SMARCA2: variants seen among roughly 807,000 people sequenced by gnomAD.
SMARCA2 encodes the protein SWI/SNF related BAF chromatin remodeling complex subunit ATPase 2.
A neutral mutation model predicts 199.8 loss-of-function variants in SMARCA2; 61 were observed. That is an observed-to-expected ratio of 0.31 (90% CI 0.25 to 0.38). The LOEUF (loss-of-function observed/expected upper bound fraction) is 0.38, where lower values mean the gene tolerates loss of function less well. SMARCA2 is among the 10% of genes least tolerant of loss of function. The pLI, the probability that SMARCA2 is intolerant of heterozygous loss-of-function variation, is 1.00. For missense variants in SMARCA2, 1,344 were observed against 2,012.2 expected, an observed-to-expected ratio of 0.67 and a Z score of 6.35; for synonymous variants, 935 against 732.0, an observed-to-expected ratio of 1.28 and a Z score of -4.48.
chr9:2,073,039 C>A, intron 10 of SMARCA2, 173 bp from the exon 11 acceptor site: 3 of 669,106 alleles, frequency 4.5e-6, no homozygotes, highest in Non-Finnish European at 7.4e-6. Flanking sequence ...TTTTCAGTTT[C>A]TTTAGTGGGA....
intron 32 of SMARCA2, among the ~76,000 whole-genome samples, chr9:2,187,740 G>A (rs1030499399): frequency 2.0e-5 from 3 of 151,820 alleles, no homozygotes; most frequent in Admixed American, 2.0e-4. Flanking sequence ...TTTCCTATGT[G>A]TGTCTTCACT....
rs79100368 is a variant in SMARCA2, at chr9:2,086,451, GA to G, written c.2527-375del. On this transcript the variant is annotated intron_variant, in intron 17 of 33. Coordinates refer to ENST00000349721, the MANE Select transcript of SMARCA2 (RefSeq NM_003070.5). The surrounding 1 kb of genome is among the most constrained non-coding windows in gnomAD (Gnocchi z 4.3). ...CTATATTCTGTGCCTGTCATGAGCT[GA>G]AATAGCATGACCATGAAATCTGGGA... is the stretch of plus-strand genomic sequence containing the variant. 6.6e-6 allele frequency among the ~76,000 whole-genome samples: 1 copy of G among 152,228 alleles called. No homozygotes were observed. The highest frequency in any genetic ancestry group is 1.9e-4 in the East Asian group (1 of 5,194).
intron 19 of SMARCA2, among the ~76,000 whole-genome samples, chr9:2,096,236 A>C (rs566727303): frequency 6.6e-6 from 1 of 152,358 alleles, no homozygotes; most frequent in Admixed American, 6.5e-5. Flanking sequence ...TTCACAAAGA[A>C]AATCACAGGA....
chr9:2,092,860 C>G (rs147983957), intron 19 of SMARCA2, among the ~76,000 whole-genome samples: 141 of 152,314 alleles, frequency 9.3e-4, no homozygotes, highest in Non-Finnish European at 2.9e-4. Flanking sequence ...TTTTGAGGAG[C>G]TTTCACATGC....
chr9:2,097,616 G>A lies in SMARCA2; in HGVS notation c.3078+145G>A, dbSNP rs187859588. The A allele has an allele frequency of 6.2e-4, 352 of 569,328 alleles. 1 individual carries two copies. The highest frequency in any genetic ancestry group is 1.0e-3 in the Admixed American group (34 of 32,610). The allele number at this position is 569,328 out of a possible 1,614,324, so 35.3% of individuals were successfully genotyped here. On this transcript the variant is annotated intron_variant, in intron 21 of 33. Transcript: ENST00000349721. ...TTGAGATGACATGATCTGATAGCTC[G>A]ACAAGCAGAATTAACAAACATGAGT...
chr9:2,032,828 C>G (rs1819130742), intron 2 of SMARCA2, 124 bp from the exon 3 acceptor site: 2 of 764,444 alleles, frequency 2.6e-6, no homozygotes, highest in Non-Finnish European at 4.1e-6. Context: ...CTTTTTTTAA[C>G]TCTAGAATGG....
In SMARCA2 at chr9:2,161,584, A is replaced by G. The variant is rs371544483; in HGVS notation, c.3982-102A>G. Reference sequence around the variant, plus strand: ...TACTTTTTTTTGGTTAATTTCTTTCATTTTATTCTAATTGTTGGAGCTATA... The same window carrying G: ...TACTTTTTTTTGGTTAATTTCTTTCGTTTTATTCTAATTGTTGGAGCTATA... On this transcript the variant is annotated intron_variant, in intron 27 of 33. Transcript: ENST00000349721. This position sits in a 1 kb window ranked among gnomAD's most constrained non-coding sequence, Gnocchi z 4.7. 8 of 787,280 alleles carry G rather than the reference A, an allele frequency of 1.0e-5. No homozygotes were observed. The highest frequency in any genetic ancestry group is 6.6e-4 in the Middle Eastern group (2 of 3,028). The allele number at this position is 787,280 out of a possible 1,614,324, so 48.8% of individuals were successfully genotyped here.
At chr9:2,111,379 T>A (rs1822990027) in intron 24 of SMARCA2, among the ~76,000 whole-genome samples, 1 of 151,706 alleles carries the variant, frequency 6.6e-6, no homozygotes, top group Non-Finnish European at 1.5e-5. Context: ...TAGTCCCAAG[T>A]TCCTCAGCAG....
chr9:2,129,628 C>G (rs983428197), intron 27 of SMARCA2, among the ~76,000 whole-genome samples: 8 of 152,086 alleles, frequency 5.3e-5, no homozygotes, highest in African/African-American at 1.9e-4. Flanking sequence ...GATTGTCGGC[C>G]ACATGCTTGA....
intron 29 of SMARCA2, among the ~76,000 whole-genome samples, chr9:2,178,522 A>C (rs1453051567): frequency 6.6e-6 from 1 of 152,174 alleles, no homozygotes; most frequent in Non-Finnish European, 1.5e-5. Context: ...TTCTGTAAAC[A>C]ACATTGTACA....
In SMARCA2 at chr9:2,123,681, G is replaced by T. The variant is rs763272760; in HGVS notation, c.3763-38G>T. ...GCTGGGAAGTCTGCACCATACAGAA[G>T]CCCTGACTTTCGGTGACCCTCTTAT... On this transcript the variant is annotated intron_variant, in intron 26 of 33. Transcript: ENST00000349721. This position sits in a 1 kb window ranked among gnomAD's most constrained non-coding sequence, Gnocchi z 4.1. 1 of 1,577,580 alleles carries T rather than the reference G, an allele frequency of 6.3e-7. No homozygotes were observed. Among genetic ancestry groups the T allele is most frequent in the Non-Finnish European group, 8.7e-7 (1 of 1,148,904 alleles).
chr9:2,070,400 G>T lies in SMARCA2; in HGVS notation c.1693-18G>T. The stretch of plus-strand genomic sequence containing the variant: ...ATCATCTTGGTTACTTATAACATTC[G>T]ACATTGTTGTTTTGCAGAAGGCTGA... On this transcript the variant is annotated intron_variant, in intron 9 of 33. Transcript: ENST00000349721. 6.2e-7 allele frequency: 1 copy of T among 1,611,768 alleles called. No individual in the cohort carries two copies. The highest frequency in any genetic ancestry group is 1.1e-5 in the South Asian group (1 of 90,974).
In SMARCA2 at chr9:2,135,924, C is replaced by T. The variant is rs567224925; in HGVS notation, c.3981+11987C>T. On this transcript the variant is annotated intron_variant, in intron 27 of 33. Coordinates refer to ENST00000349721, the MANE Select transcript of SMARCA2 (RefSeq NM_003070.5). ...TGGTGCAATCTTGGCTCATTGCTAC[C>T]TCCGCCTCCCAGGTTCAAGTAATTC... Among the ~76,000 whole-genome samples the T allele has an allele frequency of 2.0e-5, 3 of 152,198 alleles. No homozygotes were observed. In the East Asian group the frequency reaches 5.8e-4, roughly 29 times the overall value.
At chr9:2,158,938 TCTG>T (rs1825518589) in intron 27 of SMARCA2, 1 of 1,611,588 alleles carries the variant, frequency 6.2e-7, no homozygotes, top group East Asian at 2.2e-5. Context: ...TTTGTAGCTC[TCTG>T]CATTCCTGCA....
At chr9:2,160,656 G>C (rs1825619564) in intron 27 of SMARCA2, 6 of 698,896 alleles carry the variant, frequency 8.6e-6, no homozygotes, top group Non-Finnish European at 1.6e-5. Context: ...TCAGCTACGA[G>C]AAAGGATTGA....
chr9:2,133,513 C>G (rs1824057019), intron 27 of SMARCA2, among the ~76,000 whole-genome samples: 1 of 151,824 alleles, frequency 6.6e-6, no homozygotes, highest in African/African-American at 2.4e-5. Flanking sequence ...GAACTCCTGC[C>G]CCTAAGTGAT....
chr9:2,072,334 A>T (rs1479666834), intron 10 of SMARCA2, among the ~76,000 whole-genome samples: 1 of 152,218 alleles, frequency 6.6e-6, no homozygotes, highest in African/African-American at 2.4e-5. Context: ...TCACCCTGCA[A>T]TCAGGAGCAG....
At chr9:2,091,638 G>A (rs1374016024) in intron 19 of SMARCA2, among the ~76,000 whole-genome samples, 2 of 152,116 alleles carry the variant, frequency 1.3e-5, no homozygotes, top group Admixed American at 6.6e-5. Context: ...CTGGTTGATC[G>A]AATGGTCAGT....
At chr9:2,101,161 C>T (rs1216686143) in intron 21 of SMARCA2, among the ~76,000 whole-genome samples, 1 of 152,098 alleles carries the variant, frequency 6.6e-6, no homozygotes, top group Non-Finnish European at 1.5e-5. Context: ...AACCCTATCA[C>T]ATATATTTAT....
Sources: allele counts gnomAD v4.1 joint callset (sites outside exome capture counted in the v4.1 genomes callset), GRCh38; gene constraint gnomAD v4.1.1; non-coding constraint Gnocchi (gnomAD v3.1); transcripts MANE v1.5; gene names NCBI Gene and HGNC (gene_info 2026-07-23, HGNC 2026-07-21).